Variants in PHACTR2 observed in about 807,000 individuals in gnomAD.
PHACTR2 encodes phosphatase and actin regulator 2.
Under a neutral mutation model 76.0 loss-of-function variants are expected in PHACTR2, and 30 were observed. The observed-to-expected ratio is 0.39, with a 90% CI of 0.30 to 0.54. PHACTR2 has a LOEUF of 0.54. Among genes scored for constraint, PHACTR2 ranks in the 20% least tolerant of loss-of-function variants. PHACTR2 has a pLI of 0.61. For missense variants in PHACTR2, 696 were observed against 781.1 expected (o/e 0.89, Z 1.30); for synonymous variants, 292 against 292.5 (o/e 1.00, Z 0.02).
chr6:143,749,327 G>A lies in PHACTR2; in HGVS notation c.295+262G>A, dbSNP rs116290428. 9.2e-3 allele frequency among the ~76,000 whole-genome samples: 1,408 copies of A among 152,254 alleles called. 24 individuals carry two copies. The highest frequency in any genetic ancestry group is 0.032 in the African/African-American group (1,340 of 41,540). ...AAACTCTGCAAAGGTACATCCGAGG[G>A]CAATACAGATGAGATACAAATGCTT... On this transcript the variant is annotated intron_variant, in intron 3 of 12. Transcript: ENST00000440869.
chr6:143,752,791 C>T (rs1779214230), intron 3 of PHACTR2, among the ~76,000 whole-genome samples: 1 of 152,090 alleles, frequency 6.6e-6, no homozygotes, highest in African/African-American at 2.4e-5. Context: ...TGTAATCAAG[C>T]AGATTTTTAA....
chr6:143,632,916 A>G (rs1386900670), intron 1 of PHACTR2, among the ~76,000 whole-genome samples: 1 of 152,170 alleles, frequency 6.6e-6, no homozygotes, highest in African/African-American at 2.4e-5. Flanking sequence ...AGGTTCCTCC[A>G]TGTCTTTTCA....
rs9496714 is a variant in PHACTR2, at chr6:143,629,260, C to T, written c.13+20938C>T. Reference sequence around the variant, plus strand: ...AGGGGGAAAGAGATAGACATCTAACCACGTCTGCTGAGGGGGACAGAATTT... The same window carrying T: ...AGGGGGAAAGAGATAGACATCTAACTACGTCTGCTGAGGGGGACAGAATTT... On this transcript the variant is annotated intron_variant, in intron 1 of 11. Coordinates refer to the PHACTR2 transcript ENST00000305766. Among the ~76,000 whole-genome samples the T allele has an allele frequency of 8.6e-3, 1,309 of 152,088 alleles. 19 individuals are homozygous for T. The highest frequency in any genetic ancestry group is 0.027 in the African/African-American group (1,133 of 41,492).
rs921954544 is a variant in PHACTR2, at chr6:143,733,337, T to C, written c.215-15648T>C. 6.6e-6 allele frequency among the ~76,000 whole-genome samples: 1 copy of C among 152,218 alleles called. No individual in the cohort carries two copies. The highest frequency in any genetic ancestry group is 2.4e-5 in the African/African-American group (1 of 41,454). On this transcript the variant is annotated intron_variant, in intron 2 of 12. Transcript: ENST00000440869. The surrounding 1 kb of genome is among the most constrained non-coding windows in gnomAD (Gnocchi z 4.0). Reference sequence around the variant, plus strand: ...TAAATTCCATGAGAACAGGGATTTTTGTTTTCTTCTTTGGTGAGATCTCAA... The same window carrying C: ...TAAATTCCATGAGAACAGGGATTTTCGTTTTCTTCTTTGGTGAGATCTCAA...
intron 1 of PHACTR2, among the ~76,000 whole-genome samples, chr6:143,661,646 A>C (rs1297625056): frequency 6.7e-6 from 1 of 148,966 alleles, no homozygotes. Context: ...ACAACCTCCT[A>C]TTCCCAGGTT....
intron 1 of PHACTR2, among the ~76,000 whole-genome samples, chr6:143,705,551 C>T (rs531834474): frequency 2.9e-4 from 44 of 152,162 alleles, no homozygotes; most frequent in Non-Finnish European, 5.1e-4. Context: ...CCACCTCAGC[C>T]TTCCAAAGTG....
intron 2 of PHACTR2, among the ~76,000 whole-genome samples, chr6:143,735,586 C>T (rs1017313027): frequency 2.6e-5 from 4 of 151,586 alleles, no homozygotes; most frequent in African/African-American, 9.7e-5. Flanking sequence ...TCAACAACTT[C>T]CCATCCCCCC....
In PHACTR2 at chr6:143,562,592, G is replaced by T. The variant is rs989119726; in HGVS notation, c.217+25385G>T. 5.9e-5 allele frequency among the ~76,000 whole-genome samples: 9 copies of T among 152,148 alleles called. 1 individual carries two copies. In the South Asian group the frequency reaches 1.2e-3, roughly 21 times the overall value. On this transcript the variant is annotated intron_variant, in intron 1 of 11. Coordinates refer to the PHACTR2 transcript ENST00000367584. The surrounding 1 kb of genome is among the most constrained non-coding windows in gnomAD (Gnocchi z 5.1). ...GACAAATATCCAAACTATATCACTT[G>T]ACTGCCTCTCCAGTGTGACTCTGAG...
At chr6:143,538,937 G>C (rs1007996062) in intron 1 of PHACTR2, among the ~76,000 whole-genome samples, 3 of 152,178 alleles carry the variant, frequency 2.0e-5, no homozygotes, top group Non-Finnish European at 4.4e-5. Context: ...TGCTCTTGGT[G>C]TGCTGGCCAA....
chr6:143,673,992 A>G (rs1777199655), upstream of PHACTR2, among the ~76,000 whole-genome samples: 1 of 152,186 alleles, frequency 6.6e-6, no homozygotes, highest in Non-Finnish European at 1.5e-5. Flanking sequence ...GTGGTCTTCT[A>G]CTGATGCTTA....
At chr6:143,808,934 C>T (rs1468342439) in intron 12 of PHACTR2, among the ~76,000 whole-genome samples, 1 of 152,148 alleles carries the variant, frequency 6.6e-6, no homozygotes, top group African/African-American at 2.4e-5. Context: ...TGTAGTTGCT[C>T]TTCTGAAGTA....
chr6:143,651,853 TA>T (rs1223161864), intron 1 of PHACTR2, among the ~76,000 whole-genome samples: 2 of 150,134 alleles, frequency 1.3e-5, no homozygotes, highest in South Asian at 2.1e-4. Context: ...AAATTTAAAA[TA>T]AAAAAATATA....
Position 143,538,044 on chromosome 6 carries a change from A to T in PHACTR2, c.217+837A>T, listed in dbSNP as rs369769247. On this transcript the variant is annotated intron_variant, in intron 1 of 11. Coordinates refer to the PHACTR2 transcript ENST00000367584. The stretch of plus-strand genomic sequence containing the variant: ...AGAATCGCTTGAACCTGGGAGGCAG[A>T]GGTTGCACCACTGCACTCCAGCCTG... Among the ~76,000 whole-genome samples the T allele has an allele frequency of 7.3e-4, 111 of 152,362 alleles. 1 individual carries two copies. In the East Asian group the frequency reaches 0.012, roughly 17 times the overall value.
At position 143,819,889 on chromosome 6, in the gene PHACTR2, A is replaced by T. The variant is rs992163643; in HGVS notation, c.1923-3785A>T. Among the ~76,000 whole-genome samples the T allele has an allele frequency of 4.6e-5, 7 of 152,152 alleles. No homozygotes were observed. Among genetic ancestry groups the T allele is most frequent in the African/African-American group, 1.7e-4 (7 of 41,410 alleles). ...ACCTGAGACTAGGTAATTTATAAGA[A>T]AACAGGTTTAATTGGCTCACAGTTC... On this transcript the variant is annotated intron_variant, in intron 12 of 12. Transcript: ENST00000440869. The surrounding 1 kb of genome is among the most constrained non-coding windows in gnomAD (Gnocchi z 5.0).
Position 143,633,296 on chromosome 6 carries a change from A to C in PHACTR2, c.13+24974A>C, listed in dbSNP as rs1375740113. Among the ~76,000 whole-genome samples, 1 of 152,150 alleles carries C rather than the reference A, an allele frequency of 6.6e-6. No individual in the cohort carries two copies. The highest frequency in any genetic ancestry group is 1.5e-5 in the Non-Finnish European group (1 of 68,032). ...GGTGTTGTCAATGTTCTGGATTTTG[A>C]CCATTCTCAAAGATGAGTAGTGGCA... On this transcript the variant is annotated intron_variant, in intron 1 of 11. Transcript: ENST00000305766. The surrounding 1 kb of genome is among the most constrained non-coding windows in gnomAD (Gnocchi z 4.1).
In PHACTR2 at chr6:143,819,466, A is replaced by G. The variant is rs1340473984; in HGVS notation, c.1923-4208A>G. The stretch of plus-strand genomic sequence containing the variant: ...ATATGAGAGGGGATTTATTAGGGCA[A>G]TTGGCTCACATGATAATGGATGCTG... On this transcript the variant is annotated intron_variant, in intron 12 of 12. Coordinates refer to ENST00000440869, the MANE Select transcript of PHACTR2 (RefSeq NM_001100164.2). The surrounding 1 kb of genome is among the most constrained non-coding windows in gnomAD (Gnocchi z 5.0). Among the ~76,000 whole-genome samples the G allele has an allele frequency of 3.9e-5, 6 of 152,178 alleles. No homozygotes were observed. The highest frequency in any genetic ancestry group is 1.3e-4 in the Admixed American group (2 of 15,274).
At position 143,539,512 on chromosome 6, in the gene PHACTR2, G is replaced by T. The variant is rs957031067; in HGVS notation, c.217+2305G>T. Reference sequence around the variant, plus strand: ...TGTAAGCCATGCAGGATGGATCTGAGAATCAGCAAGATGACTGTGCTGGGA... The same window carrying T: ...TGTAAGCCATGCAGGATGGATCTGATAATCAGCAAGATGACTGTGCTGGGA... On this transcript the variant is annotated intron_variant, in intron 1 of 11. Coordinates refer to the PHACTR2 transcript ENST00000367584. The surrounding 1 kb of genome is among the most constrained non-coding windows in gnomAD (Gnocchi z 4.3). Among the ~76,000 whole-genome samples, 4 of 152,186 alleles carry T rather than the reference G, an allele frequency of 2.6e-5. No homozygotes were observed. Among genetic ancestry groups the T allele is most frequent in the Non-Finnish European group, 5.9e-5 (4 of 68,032 alleles).
chr6:143,635,316 ATGTGTGTGTG>A (rs71834478), intron 1 of PHACTR2, among the ~76,000 whole-genome samples: 1,749 of 149,918 alleles, frequency 0.012, 24 homozygotes, highest in African/African-American at 0.039. Context: ...AGCATTTAGG[ATGTGTGTGTG>A]TGTGTGTGTG....
At chr6:143,632,742 C>A (rs1776384429) in intron 1 of PHACTR2, among the ~76,000 whole-genome samples, 1 of 152,148 alleles carries the variant, frequency 6.6e-6, no homozygotes, top group African/African-American at 2.4e-5. Context: ...TCTAAAAAAT[C>A]CTCTGTGCCC....
Sources: allele counts gnomAD v4.1 joint callset (sites outside exome capture counted in the v4.1 genomes callset), GRCh38; gene constraint gnomAD v4.1.1; non-coding constraint Gnocchi (gnomAD v3.1); transcripts MANE v1.5; gene names NCBI Gene and HGNC (gene_info 2026-07-23, HGNC 2026-07-21).